Variants in MSTO1 observed in about 807,000 individuals in gnomAD.
The protein encoded by MSTO1 is protein misato homolog 1.
In MSTO1, 24 loss-of-function variants were observed where a neutral mutation model predicts 55.7. The observed-to-expected ratio is 0.43, with a 90% CI of 0.31 to 0.61. The LOEUF (loss-of-function observed/expected upper bound fraction) is 0.61, where lower values mean the gene tolerates loss of function less well. Ranked by LOEUF, MSTO1 falls within the 20% of genes least tolerant of loss-of-function variation. The pLI, the probability that MSTO1 is intolerant of heterozygous loss-of-function variation, is 0.09. For synonymous variants in MSTO1, 162 were observed against 252.8 expected, an observed-to-expected ratio of 0.64 and a Z score of 3.41; for missense variants, 363 against 625.7, an observed-to-expected ratio of 0.58 and a Z score of 4.48.
At chr1:155,590,072 G>A in the MSTO1 span, among the ~76,000 whole-genome samples, 1 of 152,052 alleles carries the variant, frequency 6.6e-6, no homozygotes, top group African/African-American at 2.4e-5. Flanking sequence ...TACATAGCTG[G>A]GACCTGACCC....
chr1:155,605,448 CA>C (rs1233335519), upstream of MSTO1, among the ~76,000 whole-genome samples: 1 of 151,968 alleles, frequency 6.6e-6, no homozygotes, highest in Non-Finnish European at 1.5e-5. Context: ...AATATTGACA[CA>C]AAAAAATAAA....
the MSTO1 span, among the ~76,000 whole-genome samples, chr1:155,576,801 G>A: frequency 6.7e-6 from 1 of 149,062 alleles, no homozygotes; most frequent in Non-Finnish European, 1.5e-5. Context: ...ATCACCTGAG[G>A]TCAGGAGATC....
At chr1:155,592,650 T>C in the MSTO1 span, among the ~76,000 whole-genome samples, 1 of 151,566 alleles carries the variant, frequency 6.6e-6, no homozygotes, top group African/African-American at 2.4e-5. Flanking sequence ...GGCTCCCGGG[T>C]TCAAGTGATT....
At chr1:155,564,010 T>C in the MSTO1 span, 1 of 168,898 alleles carries the variant, frequency 5.9e-6, no homozygotes, top group Non-Finnish European at 1.3e-5. Context: ...TATTTGATAA[T>C]TGAATGCAGC....
At chr1:155,568,459 G>C in the MSTO1 span, among the ~76,000 whole-genome samples, 1 of 151,648 alleles carries the variant, frequency 6.6e-6, no homozygotes, top group Non-Finnish European at 1.5e-5. Flanking sequence ...TGTTTTTTGA[G>C]ATGCGGTCTC....
At chr1:155,564,603 T>C in the MSTO1 span, among the ~76,000 whole-genome samples, 1 of 152,240 alleles carries the variant, frequency 6.6e-6, no homozygotes, top group Admixed American at 6.5e-5. Context: ...CTTGTTTCGT[T>C]TCTTTAAGGT....
chr1:155,592,847 T>C, the MSTO1 span, among the ~76,000 whole-genome samples: 1 of 151,694 alleles, frequency 6.6e-6, no homozygotes. Context: ...GTGCCCAGCT[T>C]ACAGTTACTT....
chr1:155,564,384 C>T, the MSTO1 span, among the ~76,000 whole-genome samples: 2 of 152,106 alleles, frequency 1.3e-5, no homozygotes, highest in Non-Finnish European at 1.5e-5. Flanking sequence ...ATCCCAGCTA[C>T]TCAGGAGACT....
the MSTO1 span, chr1:155,563,463 C>T: frequency 2.2e-6 from 1 of 456,684 alleles, no homozygotes; most frequent in Non-Finnish European, 4.4e-6. Flanking sequence ...GTTGAGTTGC[C>T]AACCTGGGAC....
At chr1:155,564,605 C>A in the MSTO1 span, among the ~76,000 whole-genome samples, 1 of 152,210 alleles carries the variant, frequency 6.6e-6, no homozygotes, top group Non-Finnish European at 1.5e-5. Context: ...TGTTTCGTTT[C>A]TTTAAGGTAA....
At chr1:155,597,014 G>T in the MSTO1 span, among the ~76,000 whole-genome samples, 1 of 152,012 alleles carries the variant, frequency 6.6e-6, no homozygotes, top group Non-Finnish European at 1.5e-5. Flanking sequence ...GGCTGAGGTT[G>T]GAGGATCTTA....
chr1:155,598,934 G>C, the MSTO1 span: 1 of 1,341,042 alleles, frequency 7.5e-7, no homozygotes, highest in Non-Finnish European at 1.1e-6. Flanking sequence ...TTCCTGTCTT[G>C]TCTTCTCTCT....
the MSTO1 span, among the ~76,000 whole-genome samples, chr1:155,579,010 G>A: frequency 1.3e-5 from 2 of 150,806 alleles, no homozygotes; most frequent in East Asian, 2.1e-4. Flanking sequence ...AAGATGGCTT[G>A]TAAAACCCAA....
chr1:155,567,771 C>T, the MSTO1 span, among the ~76,000 whole-genome samples: 1 of 151,180 alleles, frequency 6.6e-6, no homozygotes, highest in African/African-American at 2.4e-5. Context: ...CGTGGTGGCT[C>T]ATGCCTGTAA....
At chr1:155,569,499 G>A in the MSTO1 span, among the ~76,000 whole-genome samples, 9 of 142,420 alleles carry the variant, frequency 6.3e-5, no homozygotes, top group Non-Finnish European at 9.0e-5. Context: ...GTGCAATGGC[G>A]CAATCTCAGC....
the MSTO1 span, among the ~76,000 whole-genome samples, chr1:155,567,135 T>C: frequency 4.0e-5 from 6 of 151,798 alleles, 1 homozygote; most frequent in African/African-American, 1.5e-4. Context: ...TTGGTTTTTT[T>C]TTTTTCCCCA....
At chr1:155,583,568 G>T in the MSTO1 span, among the ~76,000 whole-genome samples, 1 of 152,198 alleles carries the variant, frequency 6.6e-6, no homozygotes, top group Non-Finnish European at 1.5e-5. Context: ...AAATACTGAA[G>T]AATTTTAAGC....
At chr1:155,593,722 A>T in the MSTO1 span, among the ~76,000 whole-genome samples, 3 of 152,268 alleles carry the variant, frequency 2.0e-5, no homozygotes, top group South Asian at 6.2e-4. Context: ...TAATCCCAGC[A>T]CTTTGGGAGG....
chr1:155,571,760 CTT>C, the MSTO1 span, among the ~76,000 whole-genome samples: 1 of 152,044 alleles, frequency 6.6e-6, no homozygotes, highest in Non-Finnish European at 1.5e-5. Flanking sequence ...TGAAATTACT[CTT>C]TGTGGCTTGG....
Sources: gnomAD v4.1 joint callset for allele counts (sites outside exome capture counted in the v4.1 genomes callset) on GRCh38, gnomAD v4.1.1 for gene constraint, MANE v1.5 for transcripts, NCBI Gene and HGNC (gene_info 2026-07-23, HGNC 2026-07-21) for gene names.